TENM1: variants seen among roughly 807,000 people sequenced by gnomAD.
TENM1 encodes teneurin transmembrane protein 1, also known as teneurin-1.
Under a neutral mutation model 174.8 loss-of-function variants are expected in TENM1, and 35 were observed. The observed-to-expected ratio is 0.20, with a 90% CI of 0.15 to 0.27. The LOEUF is 0.27. TENM1 is among the 10% of genes least tolerant of loss of function. TENM1 has a pLI of 1.00. For synonymous variants in TENM1, 781 were observed against 798.7 expected, an observed-to-expected ratio of 0.98 and a Z score of 0.37; for missense variants, 1,633 against 2,130.1, an observed-to-expected ratio of 0.77 and a Z score of 4.59.
chrX:124,433,662 G>A (rs2266909), intron 23 of TENM1, among the ~76,000 whole-genome samples: 36,762 of 110,942 alleles, frequency 0.33, 4,929 homozygotes, highest in East Asian at 0.86. Context: ...TAATGTTTTT[G>A]GTCCATGAAA....
the TENM1 span, among the ~76,000 whole-genome samples, chrX:125,115,191 C>T: frequency 9.0e-6 from 1 of 111,188 alleles, no homozygotes; most frequent in African/African-American, 3.3e-5. Context: ...AATTTAACAC[C>T]CCTTCATGCT....
the TENM1 span, among the ~76,000 whole-genome samples, chrX:125,055,125 G>GT: frequency 1.8e-5 from 2 of 111,255 alleles, no homozygotes; most frequent in Non-Finnish European, 3.8e-5. Flanking sequence ...ATATTAATAA[G>GT]TATCATCCTA....
chrX:124,671,786 C>T (rs1241695286), exon 6 of TENM1: 2 of 1,208,117 alleles, frequency 1.7e-6, no homozygotes, highest in Non-Finnish European at 2.2e-6. Flanking sequence ...TTGCATACAG[C>T]TCTCCTTCAA....
At chrX:124,395,970 T>G (rs1165411604) in intron 27 of TENM1, among the ~76,000 whole-genome samples, 1 of 111,923 alleles carries the variant, frequency 8.9e-6, no homozygotes, top group East Asian at 2.8e-4. Context: ...AGAACACATT[T>G]CTTAGTAAAG....
intron 5 of TENM1, among the ~76,000 whole-genome samples, chrX:124,696,335 A>T (rs1467968237): frequency 8.9e-6 from 1 of 111,977 alleles, no homozygotes; most frequent in African/African-American, 3.2e-5. Flanking sequence ...TTTAAAAAGA[A>T]AAACTTCTTG....
chrX:124,982,074 AT>A, the TENM1 span, among the ~76,000 whole-genome samples: 13 of 70,627 alleles, frequency 1.8e-4, 3 homozygotes, highest in Non-Finnish European at 2.4e-4. Flanking sequence ...CATTTTAAGC[AT>A]TTTTTTTTCT....
chrX:124,818,127 A>G (rs1179822639), intron 3 of TENM1, among the ~76,000 whole-genome samples: 1 of 111,548 alleles, frequency 9.0e-6, no homozygotes, highest in Non-Finnish European at 1.9e-5. Flanking sequence ...TCAATTAATT[A>G]GTATACTTCA....
At chrX:125,171,279 A>T in the TENM1 span, among the ~76,000 whole-genome samples, 1 of 110,978 alleles carries the variant, frequency 9.0e-6, no homozygotes, top group Non-Finnish European at 1.9e-5. Context: ...GAAAAAAAAA[A>T]TAACCAAAGT....
chrX:124,754,491 G>C (rs1299916325), intron 3 of TENM1, among the ~76,000 whole-genome samples: 1 of 111,084 alleles, frequency 9.0e-6, no homozygotes, highest in Admixed American at 9.6e-5. Context: ...ATTTCCTTCA[G>C]TTCTGCTCTG....
chrX:124,693,572 T>C (rs1341101446), intron 5 of TENM1, among the ~76,000 whole-genome samples: 1 of 111,571 alleles, frequency 9.0e-6, no homozygotes, highest in Non-Finnish European at 1.9e-5. Flanking sequence ...ATTTTCACGA[T>C]GGGTTTATCT....
the TENM1 span, among the ~76,000 whole-genome samples, chrX:125,074,426 A>T: frequency 9.1e-6 from 1 of 109,584 alleles, no homozygotes; most frequent in African/African-American, 3.3e-5. Flanking sequence ...ATACCACACC[A>T]TATCCTACCA....
the TENM1 span, among the ~76,000 whole-genome samples, chrX:125,105,554 A>C: frequency 9.0e-6 from 1 of 111,494 alleles, no homozygotes; most frequent in African/African-American, 3.3e-5. Flanking sequence ...CATCTACACC[A>C]GGAAGATTTT....
At chrX:125,098,881 C>A in the TENM1 span, among the ~76,000 whole-genome samples, 2 of 112,168 alleles carry the variant, frequency 1.8e-5, no homozygotes, top group Non-Finnish European at 3.8e-5. Flanking sequence ...TTTATCCAGA[C>A]GAAATACGGT....
intron 14 of TENM1, among the ~76,000 whole-genome samples, chrX:124,550,339 C>T (rs746828112): frequency 8.9e-6 from 1 of 112,168 alleles, no homozygotes; most frequent in Non-Finnish European, 1.9e-5. Context: ...CCTTTAGAGA[C>T]AGCACTTGTA....
chrX:125,096,046 C>A, the TENM1 span, among the ~76,000 whole-genome samples: 992 of 111,963 alleles, frequency 8.9e-3, 11 homozygotes, highest in African/African-American at 0.03. Flanking sequence ...GTGATACCAA[C>A]CTTGTCCAGT....
At chrX:125,028,414 G>A in the TENM1 span, among the ~76,000 whole-genome samples, 14 of 111,834 alleles carry the variant, frequency 1.3e-4, no homozygotes, top group Admixed American at 2.9e-4. Context: ...ATTATCCTTC[G>A]CAAACTAATG....
At chrX:124,925,945 A>G (rs1348521648) in intron 1 of TENM1, among the ~76,000 whole-genome samples, 1 of 112,122 alleles carries the variant, frequency 8.9e-6, no homozygotes, top group Non-Finnish European at 1.9e-5. Context: ...GCCCTATGGG[A>G]GCACAGGCCC....
chrX:125,009,675 T>A, the TENM1 span, among the ~76,000 whole-genome samples: 297 of 111,903 alleles, frequency 2.7e-3, 1 homozygote, highest in African/African-American at 9.2e-3. Flanking sequence ...ATCAAAAAGC[T>A]TATCCAACAC....
the TENM1 span, among the ~76,000 whole-genome samples, chrX:125,000,761 A>T: frequency 2.7e-5 from 3 of 111,128 alleles, no homozygotes; most frequent in African/African-American, 9.8e-5. Context: ...CATTCAAGAG[A>T]TATCTTCTGA....
Sources: gnomAD v4.1 joint callset for allele counts (sites outside exome capture counted in the v4.1 genomes callset) on GRCh38, gnomAD v4.1.1 for gene constraint, MANE v1.5 for transcripts, NCBI Gene and HGNC (gene_info 2026-07-23, HGNC 2026-07-21) for gene names.